SMC5: variants seen among roughly 807,000 people sequenced by gnomAD.
The protein encoded by SMC5 is structural maintenance of chromosomes 5, also known as structural maintenance of chromosomes protein 5.
SMC5 carries 88 observed loss-of-function variants against 148.3 expected under a neutral mutation model. That is an observed-to-expected ratio of 0.59 (90% CI 0.50 to 0.71). The LOEUF (loss-of-function observed/expected upper bound fraction) is 0.71. Among genes scored for constraint, SMC5 ranks in the 30% least tolerant of loss-of-function variants. The pLI is 0.00. For missense variants in SMC5, 1,142 were observed against 1,298.9 expected (o/e 0.88, Z 1.86); for synonymous variants, 421 against 432.8 (o/e 0.97, Z 0.34).
chr9:70,318,398 AT>A (rs2035863754), intron 13 of SMC5, 115 bp from the exon 14 acceptor site: 1 of 857,668 alleles, frequency 1.2e-6, no homozygotes, highest in African/African-American at 1.8e-5. Flanking sequence ...AAAAAAAAAA[AT>A]GTATATCTCG....
At chr9:70,279,465 G>A (rs2034686339) in intron 5 of SMC5, among the ~76,000 whole-genome samples, 1 of 152,056 alleles carries the variant, frequency 6.6e-6, no homozygotes, top group Non-Finnish European at 1.5e-5. Flanking sequence ...GTTGCAATGA[G>A]CTGTGATTGC....
intron 13 of SMC5, among the ~76,000 whole-genome samples, chr9:70,318,171 A>G (rs1169387991): frequency 1.3e-5 from 2 of 152,208 alleles, no homozygotes; most frequent in Admixed American, 6.5e-5. Flanking sequence ...TCTCAGAGGC[A>G]GGAATTCAAG....
At chr9:70,292,934 A>G (rs545001239) in intron 8 of SMC5, among the ~76,000 whole-genome samples, 3 of 152,128 alleles carry the variant, frequency 2.0e-5, no homozygotes, top group Non-Finnish European at 4.4e-5. Flanking sequence ...GTCTGTATTC[A>G]TGAGTTATAC....
At chr9:70,347,745 T>C in intron 21 of SMC5, 28 bp downstream of exon 21, 1 of 1,385,916 alleles carries the variant, frequency 7.2e-7, no homozygotes, top group Non-Finnish European at 9.9e-7. Context: ...AATCTTTTTA[T>C]CATGTGATTA....
At chr9:70,346,393 T>G (rs1803667241) in intron 18 of SMC5, 1 of 592,934 alleles carries the variant, frequency 1.7e-6, no homozygotes, top group Non-Finnish European at 3.0e-6. Context: ...GGCCAAACAA[T>G]GTACTGATTG....
chr9:70,268,375 G>A (rs796081403), intron 3 of SMC5, among the ~76,000 whole-genome samples: 6 of 152,230 alleles, frequency 3.9e-5, no homozygotes, highest in African/African-American at 1.4e-4. Context: ...GAACCTGGGA[G>A]GCAAAGGTTG....
intron 1 of SMC5, among the ~76,000 whole-genome samples, chr9:70,263,171 A>T (rs1241005496): frequency 2.0e-5 from 3 of 152,212 alleles, no homozygotes; most frequent in Non-Finnish European, 4.4e-5. Context: ...GTTCCATGTC[A>T]GGTAATTTCC....
At chr9:70,320,755 A>G (rs2035922241) in intron 15 of SMC5, among the ~76,000 whole-genome samples, 1 of 152,194 alleles carries the variant, frequency 6.6e-6, no homozygotes, top group African/African-American at 2.4e-5. Flanking sequence ...TTAAAAATAT[A>G]TATACTTAAG....
intron 17 of SMC5, among the ~76,000 whole-genome samples, chr9:70,328,680 C>G (rs2036147715): frequency 1.3e-5 from 2 of 152,208 alleles, no homozygotes; most frequent in African/African-American, 4.8e-5. Context: ...ATCTACCATT[C>G]TGGGGTCTGG....
chr9:70,268,172 T>C (rs1455218033), intron 3 of SMC5, among the ~76,000 whole-genome samples, 197 bp downstream of exon 3: 1 of 152,190 alleles, frequency 6.6e-6, no homozygotes, highest in Admixed American at 6.5e-5. Flanking sequence ...AGGCTAGCCA[T>C]GGTGGCTCAT....
intron 14 of SMC5, 29 bp from the exon 15 acceptor site, chr9:70,318,765 T>C (rs1173158416): frequency 6.5e-7 from 1 of 1,549,736 alleles, no homozygotes; most frequent in Admixed American, 2.2e-5. Context: ...GTTTTTTAAA[T>C]ATGTTAACAA....
rs544176130 is a variant in SMC5 at position 70,346,221 on chromosome 9, G to C, written c.2524-384G>C. ...CATGAGCTTACATCTCAGTAAGTCA[G>C]AGATTCAACAGAGGAATATTTGAAG... On this transcript the variant is annotated intron_variant, in intron 18 of 24. Coordinates refer to ENST00000361138, the MANE Select transcript of SMC5 (RefSeq NM_015110.4). 3.3e-5 allele frequency among the ~76,000 whole-genome samples: 5 copies of C among 152,262 alleles called. No individual in the cohort carries two copies. In the South Asian group the frequency reaches 8.3e-4, roughly 25 times the overall value.
chr9:70,283,962 G>A (rs993145042), intron 7 of SMC5, among the ~76,000 whole-genome samples: 1 of 152,092 alleles, frequency 6.6e-6, no homozygotes, highest in African/African-American at 2.4e-5. Flanking sequence ...AAGTTATGTG[G>A]AGCTCTTCGA....
intron 3 of SMC5, among the ~76,000 whole-genome samples, chr9:70,269,662 G>C (rs1374608702): frequency 1.3e-5 from 2 of 152,120 alleles, no homozygotes; most frequent in African/African-American, 2.4e-5. Context: ...AGTCTCAACA[G>C]GTAAGTTTAC....
rs1204718013 is a variant in SMC5, at chr9:70,354,054, G to A, written c.*1723G>A. The A allele has an allele frequency of 1.3e-5, 2 of 152,132 alleles. No homozygotes were observed. Among genetic ancestry groups the A allele is most frequent in the Non-Finnish European group, 2.9e-5 (2 of 68,022 alleles). 9.4% of individuals were successfully genotyped at this position (152,132 alleles called of 1,614,324 possible). Reference sequence around the variant, plus strand: ...TTTCAATTTACATAGGCCAACAACTGTTCCATACTTTGTTTGTAAACATTT... The same window carrying A: ...TTTCAATTTACATAGGCCAACAACTATTCCATACTTTGTTTGTAAACATTT... On this transcript the variant is annotated 3_prime_UTR_variant, in exon 25 of 25. Transcript: ENST00000361138.
chr9:70,286,807 C>T (rs2034916448), intron 8 of SMC5: 1 of 149,714 alleles, frequency 6.7e-6, no homozygotes. Context: ...GCCTCCGCCT[C>T]TCAGGCTCAA....
At chr9:70,324,232 G>A in intron 17 of SMC5, 89 bp downstream of exon 17, 1 of 1,314,428 alleles carries the variant, frequency 7.6e-7, no homozygotes, top group East Asian at 2.6e-5. Context: ...GCAATATATA[G>A]TTTGTTGTTT....
At chr9:70,342,641 C>A (rs1015373802) in intron 17 of SMC5, among the ~76,000 whole-genome samples, 1 of 152,074 alleles carries the variant, frequency 6.6e-6, no homozygotes, top group South Asian at 2.1e-4. Flanking sequence ...ATAGAGATAA[C>A]CCTTTTCTTT....
chr9:70,310,341 T>C (rs930583910), intron 11 of SMC5, among the ~76,000 whole-genome samples: 9 of 152,228 alleles, frequency 5.9e-5, no homozygotes, highest in African/African-American at 2.2e-4. Context: ...AATCTGCATG[T>C]ACATCTCCAT....
Sources: gnomAD v4.1 joint callset for allele counts (sites outside exome capture counted in the v4.1 genomes callset) on GRCh38, gnomAD v4.1.1 for gene constraint, MANE v1.5 for transcripts, NCBI Gene and HGNC (gene_info 2026-07-23, HGNC 2026-07-21) for gene names.